NRXN1: variants seen among roughly 807,000 people sequenced by gnomAD.
The protein encoded by NRXN1 is neurexin 1.
Under a neutral mutation model 150.9 loss-of-function variants are expected in NRXN1, and 39 were observed. That is an observed-to-expected ratio of 0.26 (90% CI 0.20 to 0.34). The LOEUF (loss-of-function observed/expected upper bound fraction) is 0.34. NRXN1 is among the 10% of genes least tolerant of loss of function. NRXN1 has a pLI of 1.00. For missense variants in NRXN1, 1,815 were observed against 1,949.9 expected (o/e 0.93, Z 1.30); for synonymous variants, 924 against 757.0 (o/e 1.22, Z -3.62).
intron 17 of NRXN1, among the ~76,000 whole-genome samples, chr2:50,239,833 G>A (rs890477435): frequency 3.3e-5 from 5 of 149,494 alleles, no homozygotes; most frequent in African/African-American, 1.2e-4. Flanking sequence ...TATCCATAAA[G>A]TGACATTTGC....
At chr2:50,539,515 G>T (rs2093343513) in intron 9 of NRXN1, among the ~76,000 whole-genome samples, 1 of 150,924 alleles carries the variant, frequency 6.6e-6, no homozygotes, top group Admixed American at 6.6e-5. Context: ...AAATATTAGT[G>T]GAATCTATGA....
At chr2:50,076,766 A>G (rs1326089508) in intron 19 of NRXN1, among the ~76,000 whole-genome samples, 1 of 152,198 alleles carries the variant, frequency 6.6e-6, no homozygotes, top group East Asian at 1.9e-4. Flanking sequence ...CTCCATCTAG[A>G]CAAAGAATAA....
At chr2:50,503,827 G>A (rs752573466) in intron 13 of NRXN1, among the ~76,000 whole-genome samples, 8 of 152,208 alleles carry the variant, frequency 5.3e-5, no homozygotes, top group Middle Eastern at 3.4e-3. Context: ...GGGAGAAAAC[G>A]TAGTAATTAT....
chr2:50,689,780 A>G (rs1205506979), intron 5 of NRXN1, among the ~76,000 whole-genome samples: 2 of 152,194 alleles, frequency 1.3e-5, no homozygotes, highest in Non-Finnish European at 2.9e-5. Context: ...TTGAAATGAG[A>G]AAACAAAAGC....
chr2:51,004,802 G>A (rs1221789899), intron 2 of NRXN1, among the ~76,000 whole-genome samples: 1 of 151,948 alleles, frequency 6.6e-6, no homozygotes, highest in Non-Finnish European at 1.5e-5. Context: ...ATCTAGAGGA[G>A]AATTTTCTTG....
At chr2:50,497,863 C>T (rs2091730207) in intron 13 of NRXN1, 149 bp from the exon 14 acceptor site, 1 of 652,314 alleles carries the variant, frequency 1.5e-6, no homozygotes, top group East Asian at 2.7e-5. Context: ...TTAAATGATG[C>T]CAAAAGGTAA....
chr2:50,958,460 A>G (rs1692618865), intron 2 of NRXN1, among the ~76,000 whole-genome samples: 1 of 151,992 alleles, frequency 6.6e-6, no homozygotes, highest in Non-Finnish European at 1.5e-5. Context: ...CAAAACTACT[A>G]TTGGTGAATG....
intron 8 of NRXN1, among the ~76,000 whole-genome samples, chr2:50,603,363 C>T (rs967658509): frequency 2.0e-5 from 3 of 152,084 alleles, no homozygotes; most frequent in Admixed American, 6.6e-5. Context: ...GCTGTGGGGA[C>T]GTGGGCAGAG....
chr2:50,681,942 G>A (rs191194157), intron 5 of NRXN1, among the ~76,000 whole-genome samples: 126 of 152,236 alleles, frequency 8.3e-4, no homozygotes, highest in Non-Finnish European at 1.5e-4. Flanking sequence ...TAAGCCTCAT[G>A]CTGTCTCATC....
chr2:50,091,215 G>T, intron 19 of NRXN1, 108 bp downstream of exon 19: 1 of 1,251,560 alleles, frequency 8.0e-7, no homozygotes, highest in Non-Finnish European at 1.2e-6. Flanking sequence ...ATAAATAGTT[G>T]ATGGTTTCTC....
intron 11 of NRXN1, among the ~76,000 whole-genome samples, chr2:50,529,589 C>T (rs1037584832): frequency 2.6e-5 from 4 of 152,006 alleles, no homozygotes; most frequent in African/African-American, 9.7e-5. Flanking sequence ...AAAAATAAAC[C>T]TAGATTCTGT....
At chr2:50,752,975 A>G (rs1478332071) in intron 5 of NRXN1, among the ~76,000 whole-genome samples, 1 of 151,918 alleles carries the variant, frequency 6.6e-6, no homozygotes, top group East Asian at 1.9e-4. Flanking sequence ...AGCCATCTTT[A>G]TTTGGCATGC....
chr2:50,144,634 ATATGTATATATGTATG>A (rs1707748533), intron 18 of NRXN1, among the ~76,000 whole-genome samples: 1 of 151,886 alleles, frequency 6.6e-6, no homozygotes, highest in Non-Finnish European at 1.5e-5. Flanking sequence ...GAATAATTAT[ATATGTATATATGTATG>A]TATGTATATG....
At chr2:50,445,963 A>T (rs1020474449) in intron 17 of NRXN1, among the ~76,000 whole-genome samples, 4 of 152,260 alleles carry the variant, frequency 2.6e-5, no homozygotes, top group Non-Finnish European at 5.9e-5. Context: ...TATCTTTTTA[A>T]ATAGACATTA....
chr2:49,984,390 G>T (rs891830104), intron 21 of NRXN1, among the ~76,000 whole-genome samples: 27 of 152,204 alleles, frequency 1.8e-4, no homozygotes, highest in African/African-American at 6.5e-4. Context: ...AATGAGATCT[G>T]ACGTCGTATA....
At chr2:49,969,579 T>C (rs561122523) in intron 21 of NRXN1, 12 of 152,166 alleles carry the variant, frequency 7.9e-5, no homozygotes, top group Non-Finnish European at 1.5e-5. Context: ...ATATAATCTA[T>C]ACATTTGCAT....
chr2:50,961,565 T>C (rs551987820), intron 2 of NRXN1, among the ~76,000 whole-genome samples: 1 of 151,810 alleles, frequency 6.6e-6, no homozygotes, highest in African/African-American at 2.4e-5. Flanking sequence ...GACAGAGTAA[T>C]GGGGAATACT....
At chr2:50,871,609 C>T (rs1348766778) in intron 5 of NRXN1, among the ~76,000 whole-genome samples, 1 of 151,804 alleles carries the variant, frequency 6.6e-6, no homozygotes, top group Non-Finnish European at 1.5e-5. Context: ...ATCTCTGCTG[C>T]TATATTGTTT....
chr2:50,641,227 T>G (rs2104479703), intron 5 of NRXN1, among the ~76,000 whole-genome samples: 1 of 152,298 alleles, frequency 6.6e-6, no homozygotes, highest in Admixed American at 6.5e-5. Context: ...AAAAGCCTCC[T>G]CATAAAAGGC....
Sources: gnomAD v4.1 joint callset for allele counts (sites outside exome capture counted in the v4.1 genomes callset) on GRCh38, gnomAD v4.1.1 for gene constraint, MANE v1.5 for transcripts, NCBI Gene and HGNC (gene_info 2026-07-23, HGNC 2026-07-21) for gene names.